Variants in DPP6 observed in about 807,000 individuals in gnomAD.
The protein encoded by DPP6 is dipeptidyl peptidase like 6.
In DPP6, 69 loss-of-function variants were observed where a neutral mutation model predicts 122.6. The observed-to-expected ratio is 0.56, with a 90% CI of 0.46 to 0.69. The LOEUF (loss-of-function observed/expected upper bound fraction) is 0.69. Among genes scored for constraint, DPP6 ranks in the 30% least tolerant of loss-of-function variants. DPP6 has a pLI of 0.00. For missense variants in DPP6, 928 were observed against 1,116.9 expected (o/e 0.83, Z 2.41); for synonymous variants, 418 against 433.1 (o/e 0.97, Z 0.43).
chr7:153,859,643 G>A, the DPP6 span, among the ~76,000 whole-genome samples: 119 of 152,268 alleles, frequency 7.8e-4, no homozygotes, highest in Admixed American at 4.2e-3. Flanking sequence ...ATATGGCTGT[G>A]GCTAAGTGTA....
chr7:154,725,789 TG>T (rs758206437), intron 7 of DPP6, among the ~76,000 whole-genome samples: 13 of 152,228 alleles, frequency 8.5e-5, no homozygotes, highest in Non-Finnish European at 1.2e-4. Flanking sequence ...AAGTCTTATC[TG>T]AGGCAAGGCA....
intron 20 of DPP6, among the ~76,000 whole-genome samples, chr7:154,878,109 C>T (rs977316127): frequency 2.0e-5 from 3 of 152,320 alleles, no homozygotes; most frequent in African/African-American, 7.2e-5. Context: ...CTCACCCCAC[C>T]TGCTCTATCT....
rs1367895605 is a variant in DPP6 at position 154,356,334 on chromosome 7, A to G, written c.244-89880A>G. Among the ~76,000 whole-genome samples, 8 of 152,254 alleles carry G rather than the reference A, an allele frequency of 5.3e-5. 1 individual carries two copies. The highest frequency in any genetic ancestry group is 1.7e-4 in the African/African-American group (7 of 41,472). ...GTACTTAGCCCAATGTTGACCAAAT[A>G]AATACTTAAGTACTTGTGGATTTGT... On this transcript the variant is annotated intron_variant, in intron 1 of 25. Transcript: ENST00000377770.
At chr7:153,889,612 C>T (rs1176590224) in intron 1 of DPP6, among the ~76,000 whole-genome samples, 1 of 152,212 alleles carries the variant, frequency 6.6e-6, no homozygotes, top group East Asian at 1.9e-4. Context: ...CCTAACCCCT[C>T]TCTGCGTTTT....
At chr7:154,236,395 G>A (rs1480466575) in intron 1 of DPP6, among the ~76,000 whole-genome samples, 2 of 152,010 alleles carry the variant, frequency 1.3e-5, no homozygotes, top group Non-Finnish European at 2.9e-5. Flanking sequence ...AATTTATTAC[G>A]AACCTAAATG....
intron 1 of DPP6, among the ~76,000 whole-genome samples, chr7:154,196,172 G>A (rs1798856049): frequency 6.6e-6 from 1 of 152,172 alleles, no homozygotes; most frequent in Admixed American, 6.5e-5. Flanking sequence ...GCTACAGCTG[G>A]AATGTAATCT....
the DPP6 span, among the ~76,000 whole-genome samples, chr7:153,871,952 G>T: frequency 5.3e-5 from 8 of 152,208 alleles, no homozygotes; most frequent in African/African-American, 1.9e-4. Flanking sequence ...AATATGGACT[G>T]CAGGGTGACA....
In DPP6 at chr7:154,868,177, C is replaced by A. The variant is rs1357192772; in HGVS notation, c.1813+84C>A. 3 of 1,507,486 alleles carry A rather than the reference C, an allele frequency of 2.0e-6. No individual in the cohort carries two copies. The African/African-American group carries it at 4.2e-5, about 21-fold the overall frequency. The allele number at this position is 1,507,486 out of a possible 1,614,324, so 93.4% of individuals were successfully genotyped here. Reference sequence around the variant, plus strand: ...ACAGTGCAGTCATCAGCAGCAGGTGCCCTGCAAGGAAGACTCCCCAAGCAC... The same window carrying A: ...ACAGTGCAGTCATCAGCAGCAGGTGACCTGCAAGGAAGACTCCCCAAGCAC... On this transcript the variant is annotated intron_variant, in intron 18 of 25. Coordinates refer to ENST00000377770, the MANE Select transcript of DPP6 (RefSeq NM_130797.4).
At chr7:154,352,259 C>G (rs890453175) in intron 1 of DPP6, among the ~76,000 whole-genome samples, 4 of 151,974 alleles carry the variant, frequency 2.6e-5, no homozygotes, top group African/African-American at 7.3e-5. Context: ...GTCAGGAGAT[C>G]GAGACCATCC....
intron 1 of DPP6, among the ~76,000 whole-genome samples, chr7:154,345,577 G>A (rs1810326901): frequency 6.6e-6 from 1 of 152,058 alleles, no homozygotes; most frequent in Admixed American, 6.5e-5. Context: ...TCCCAAGGTG[G>A]AAATCCTAAG....
In DPP6 at chr7:154,361,123, C is replaced by T. The variant is rs551393051; in HGVS notation, c.244-85091C>T. On this transcript the variant is annotated intron_variant, in intron 1 of 25. Transcript: ENST00000377770. Reference sequence around the variant, plus strand: ...CCAGTGGGCTATGAGAAGATTTGAGCGTTGAGATTCTGTATAATAAGATGC... The same window carrying T: ...CCAGTGGGCTATGAGAAGATTTGAGTGTTGAGATTCTGTATAATAAGATGC... 4.0e-5 allele frequency among the ~76,000 whole-genome samples: 6 copies of T among 151,500 alleles called. No individual in the cohort carries two copies. The South Asian group carries it at 1.0e-3, about 26-fold the overall frequency.
intron 5 of DPP6, among the ~76,000 whole-genome samples, chr7:154,580,619 C>T (rs191064875): frequency 6.6e-6 from 1 of 152,112 alleles, no homozygotes; most frequent in Non-Finnish European, 1.5e-5. Context: ...ACATTCAACA[C>T]GAGCTGAGGC....
At chr7:154,119,979 A>C (rs1807312505) in intron 1 of DPP6, among the ~76,000 whole-genome samples, 2 of 151,606 alleles carry the variant, frequency 1.3e-5, no homozygotes. Context: ...GTCCAGGGCC[A>C]CCATGCGATG....
chr7:154,766,351 T>C (rs563395963), intron 8 of DPP6, among the ~76,000 whole-genome samples: 3 of 152,218 alleles, frequency 2.0e-5, no homozygotes, highest in African/African-American at 7.2e-5. Context: ...CTAGTCTCAC[T>C]CTGTCACCCA....
intron 1 of DPP6, among the ~76,000 whole-genome samples, chr7:154,085,271 A>G (rs1804322040): frequency 6.6e-6 from 1 of 152,102 alleles, no homozygotes; most frequent in South Asian, 2.1e-4. Flanking sequence ...TTCCATCCCA[A>G]AGAATATCCC....
intron 1 of DPP6, among the ~76,000 whole-genome samples, chr7:153,999,160 G>A (rs941497469): frequency 6.6e-6 from 1 of 152,230 alleles, no homozygotes; most frequent in Admixed American, 6.5e-5. Context: ...GACCTGAGCT[G>A]TATTGTTCTG....
At chr7:154,574,985 T>C (rs1424129788) in intron 5 of DPP6, among the ~76,000 whole-genome samples, 1 of 142,260 alleles carries the variant, frequency 7.0e-6, no homozygotes, top group Non-Finnish European at 1.5e-5. Flanking sequence ...GTGTGCTGTG[T>C]GTGTATATGT....
At chr7:154,094,140 A>C (rs1805137308) in intron 1 of DPP6, 1 of 152,092 alleles carries the variant, frequency 6.6e-6, no homozygotes, top group South Asian at 2.1e-4. Context: ...CCCCGGGAGA[A>C]CTCCTCCTTG....
At chr7:154,797,593 A>C (rs1798119277) in intron 12 of DPP6, among the ~76,000 whole-genome samples, 1 of 152,196 alleles carries the variant, frequency 6.6e-6, no homozygotes, top group East Asian at 1.9e-4. Flanking sequence ...CAGAATAAAT[A>C]AACTCATAGA....
Sources: allele counts gnomAD v4.1 joint callset (sites outside exome capture counted in the v4.1 genomes callset), GRCh38; gene constraint gnomAD v4.1.1; transcripts MANE v1.5; gene names NCBI Gene and HGNC (gene_info 2026-07-23, HGNC 2026-07-21).